Variants in GRIA3 observed in about 807,000 individuals in gnomAD.
GRIA3 encodes glutamate ionotropic receptor AMPA type subunit 3.
Under a neutral mutation model 63.0 loss-of-function variants are expected in GRIA3, and 3 were observed. The ratio of observed to expected loss-of-function variants is 0.05; its 90% confidence interval spans 0.02 to 0.12. GRIA3 has a LOEUF of 0.12. GRIA3 is among the 10% of genes least tolerant of loss of function. GRIA3 has a pLI of 1.00. For missense variants in GRIA3, 347 were observed against 700.9 expected (o/e 0.50, Z 5.70); for synonymous variants, 274 against 257.9 (o/e 1.06, Z -0.60).
intron 12 of GRIA3, among the ~76,000 whole-genome samples, chrX:123,450,400 A>G (rs1170671479): frequency 8.9e-6 from 1 of 112,548 alleles, no homozygotes; most frequent in Non-Finnish European, 1.9e-5. Context: ...CGATCTTTCC[A>G]CTGGGAGGCA....
At chrX:123,238,721 A>T (rs1329426694) in intron 2 of GRIA3, among the ~76,000 whole-genome samples, 1 of 108,480 alleles carries the variant, frequency 9.2e-6, no homozygotes, top group Non-Finnish European at 1.9e-5. Flanking sequence ...GGAAAAGGGA[A>T]GAAAGATTAG....
At position 123,231,259 on chromosome X, in the gene GRIA3, A is replaced by G. The variant is rs751334589; in HGVS notation, c.269-22044A>G. 7.1e-5 allele frequency among the ~76,000 whole-genome samples: 8 copies of G among 111,974 alleles called. No homozygotes were observed. The East Asian group carries it at 2.0e-3, about 28-fold the overall frequency. On this transcript the variant is annotated intron_variant, in intron 2 of 15. Coordinates refer to ENST00000620443, the MANE Select transcript of GRIA3 (RefSeq NM_007325.5). ...ATAAACCCGACTTCAAAGGAATCATAAAACATTCAAGCCAGAAAGAACCTT... is the reference window on the plus strand; with the variant it reads ...ATAAACCCGACTTCAAAGGAATCATGAAACATTCAAGCCAGAAAGAACCTT...
chrX:123,412,586 C>CTGCTTGTA (rs2045513086), intron 10 of GRIA3, among the ~76,000 whole-genome samples: 1 of 111,369 alleles, frequency 9.0e-6, no homozygotes, highest in Non-Finnish European at 1.9e-5. Flanking sequence ...ATGAGTTCTG[C>CTGCTTGTA]TGCTTGGTTT....
chrX:123,329,426 C>T (rs1349440017), intron 4 of GRIA3, among the ~76,000 whole-genome samples: 2 of 111,827 alleles, frequency 1.8e-5, no homozygotes, highest in Admixed American at 9.5e-5. Flanking sequence ...TATTCAAATA[C>T]ATAAGGTAAA....
At chrX:123,226,522 T>C (rs1386113543) in intron 2 of GRIA3, among the ~76,000 whole-genome samples, 2 of 111,449 alleles carry the variant, frequency 1.8e-5, no homozygotes, top group Non-Finnish European at 3.8e-5. Context: ...CTACAAAAAG[T>C]TTCATTTCTG....
chrX:123,467,874 C>CT (rs752642225), intron 13 of GRIA3, among the ~76,000 whole-genome samples: 4 of 112,344 alleles, frequency 3.6e-5, no homozygotes, highest in Non-Finnish European at 7.5e-5. Context: ...AGCAATCAAG[C>CT]TTTTTTTCCC....
intron 3 of GRIA3, among the ~76,000 whole-genome samples, chrX:123,269,535 T>C (rs1267075105): frequency 2.7e-5 from 3 of 111,775 alleles, no homozygotes; most frequent in Admixed American, 1.9e-4. Context: ...TTTTCTTCTA[T>C]GAGAATCAGA....
intron 4 of GRIA3, among the ~76,000 whole-genome samples, chrX:123,336,623 A>G (rs147601154): frequency 0.016 from 1,770 of 111,085 alleles, 41 homozygotes; most frequent in African/African-American, 0.054. Context: ...ATATATTTAG[A>G]AATATATATT....
chrX:123,453,803 G>A (rs951377005), intron 12 of GRIA3, among the ~76,000 whole-genome samples: 3 of 111,190 alleles, frequency 2.7e-5, no homozygotes, highest in East Asian at 2.9e-4. Flanking sequence ...CACAGGATGG[G>A]GTGGGGAGGG....
chrX:123,425,159 C>G (rs1603147597), intron 11 of GRIA3, among the ~76,000 whole-genome samples: 1 of 111,513 alleles, frequency 9.0e-6, no homozygotes, highest in East Asian at 2.8e-4. Context: ...AAAATTTGTA[C>G]CTTCTATAAC....
At chrX:123,389,950 C>T (rs1037845994) in intron 5 of GRIA3, among the ~76,000 whole-genome samples, 20 of 111,819 alleles carry the variant, frequency 1.8e-4, no homozygotes, top group African/African-American at 6.2e-4. Context: ...TCGTGATCCT[C>T]CTGCCTTGGC....
At chrX:123,480,523 C>CA (rs370513617) in intron 14 of GRIA3, among the ~76,000 whole-genome samples, 1,333 of 111,075 alleles carry the variant, frequency 0.012, 27 homozygotes, top group African/African-American at 0.04. Context: ...CAACAACAAC[C>CA]AAAAAAAAGA....
intron 3 of GRIA3, among the ~76,000 whole-genome samples, chrX:123,308,448 A>C (rs2044768879): frequency 8.9e-6 from 1 of 111,799 alleles, no homozygotes; most frequent in Non-Finnish European, 1.9e-5. Context: ...GCCACACTTT[A>C]AGTAGCAAAA....
chrX:123,274,294 G>A (rs977272050), intron 3 of GRIA3, among the ~76,000 whole-genome samples: 5 of 111,864 alleles, frequency 4.5e-5, no homozygotes, highest in African/African-American at 6.5e-5. Context: ...GATCTGTTCC[G>A]CTGCGCATAA....
At chrX:123,374,554 C>T (rs2045271805) in intron 5 of GRIA3, among the ~76,000 whole-genome samples, 1 of 111,693 alleles carries the variant, frequency 9.0e-6, no homozygotes, top group Non-Finnish European at 1.9e-5. Context: ...TGTAGTTCTC[C>T]TTGAAGAGGT....
intron 4 of GRIA3, among the ~76,000 whole-genome samples, chrX:123,349,621 T>C (rs2045079902): frequency 8.9e-6 from 1 of 112,595 alleles, no homozygotes; most frequent in African/African-American, 3.2e-5. Context: ...CCTGTCTTTC[T>C]CCATCTGTAC....
chrX:123,193,419 T>C (rs1354679463), intron 2 of GRIA3, among the ~76,000 whole-genome samples: 2 of 112,244 alleles, frequency 1.8e-5, no homozygotes, highest in Non-Finnish European at 3.8e-5. Context: ...GCTGTCTGAC[T>C]TCCCTTAAAC....
chrX:123,463,572 AAGGAAGGGAGGGAGGGAGGG>A lies in GRIA3; in HGVS notation c.2077-1289_2077-1270del, dbSNP rs1191616980. Among the ~76,000 whole-genome samples, 47 of 31,455 alleles carry A rather than the reference AAGGAAGGGAGGGAGGGAGGG, an allele frequency of 1.5e-3. 1 individual carries two copies. The highest frequency in any genetic ancestry group is 2.1e-3 in the Non-Finnish European group (42 of 20,021). 27.3% of individuals were successfully genotyped at this position (31,455 alleles called of 115,157 possible). On this transcript the variant is annotated intron_variant, in intron 12 of 15. Coordinates refer to ENST00000620443, the MANE Select transcript of GRIA3 (RefSeq NM_007325.5). ...AAGCGAAGGAAGGAAGGAAGGAAGGAAGGAAGGGAGGGAGGGAGGGAGGGAGGGAGGGAGGGAGGGAAAGA... is the reference window on the plus strand; with the variant it reads ...AAGCGAAGGAAGGAAGGAAGGAAGGAAGGGAGGGAGGGAGGGAGGGAAAGA...
At chrX:123,380,758 C>A (rs2045319637) in intron 5 of GRIA3, among the ~76,000 whole-genome samples, 1 of 111,876 alleles carries the variant, frequency 8.9e-6, no homozygotes, top group East Asian at 2.8e-4. Flanking sequence ...AGGTTTTCTT[C>A]TAGGGTTTTT....
Sources: gnomAD v4.1 joint callset for allele counts (sites outside exome capture counted in the v4.1 genomes callset) on GRCh38, gnomAD v4.1.1 for gene constraint, MANE v1.5 for transcripts, NCBI Gene and HGNC (gene_info 2026-07-23, HGNC 2026-07-21) for gene names.